NRXN1: variants seen among roughly 807,000 people sequenced by gnomAD.
The protein encoded by NRXN1 is neurexin 1, also known as neurexin-1.
A neutral mutation model predicts 150.9 loss-of-function variants in NRXN1; 39 were observed. The observed-to-expected ratio is 0.26, with a 90% CI of 0.20 to 0.34. NRXN1 has a LOEUF of 0.34. Ranked by LOEUF, NRXN1 falls within the 10% of genes least tolerant of loss-of-function variation. NRXN1 has a pLI of 1.00. For synonymous variants in NRXN1, 924 were observed against 757.0 expected (o/e 1.22, Z -3.62); for missense variants, 1,815 against 1,949.9 (o/e 0.93, Z 1.30).
intron 5 of NRXN1, among the ~76,000 whole-genome samples, chr2:50,865,741 G>GT (rs200962829): frequency 6.0e-4 from 68 of 113,590 alleles, no homozygotes; most frequent in African/African-American, 1.7e-3. Flanking sequence ...ACATTTGATA[G>GT]TTTTTTTTTG....
At chr2:50,108,621 T>A (rs758478390) in intron 18 of NRXN1, among the ~76,000 whole-genome samples, 3 of 152,218 alleles carry the variant, frequency 2.0e-5, no homozygotes, top group South Asian at 2.1e-4. Context: ...TCTATAAAGG[T>A]ATTTGTTAAG....
Position 51,028,406 on chromosome 2 carries a change from C to T in NRXN1, c.-133G>A, listed in dbSNP as rs1670968947. 1.9e-6 allele frequency: 1 copy of T among 533,006 alleles called. No homozygotes were observed. The allele number at this position is 533,006 out of a possible 1,614,324, so 33.0% of individuals were successfully genotyped here. A position where few individuals can be genotyped will look rare whatever the true frequency, so the allele number is the denominator to read the frequency against. ...AAAGGCGGGAGTGAGAGGGATGTGC[C>T]CTCCTTTATCTAGTTCTTTTTTTCT... is the stretch of plus-strand genomic sequence containing the variant. On this transcript the variant is annotated 5_prime_UTR_variant, in exon 2 of 23. Transcript: ENST00000401669.
rs561473210 is a variant in NRXN1 at position 50,015,617 on chromosome 2, A to G, written c.4128+37654T>C. Among the ~76,000 whole-genome samples the G allele has an allele frequency of 3.2e-3, 483 of 151,538 alleles. 1 individual carries two copies. Among genetic ancestry groups the G allele is most frequent in the Non-Finnish European group, 5.1e-3 (347 of 67,902 alleles). On this transcript the variant is annotated intron_variant, in intron 21 of 22. Coordinates refer to ENST00000401669, the MANE Select transcript of NRXN1 (RefSeq NM_001330078.2). ...GTTTACCCTTCTGTATAATATTATG[A>G]CAGGTCCTTTTCAATGATAATGTTC...
chr2:50,218,487 CT>C (rs2063554759), intron 18 of NRXN1, among the ~76,000 whole-genome samples: 1 of 128,530 alleles, frequency 7.8e-6, no homozygotes, highest in Non-Finnish European at 1.7e-5. Context: ...AAGTTAGCAC[CT>C]TCTTTTTTTT....
chr2:50,141,425 G>T (rs1362816467), intron 18 of NRXN1, among the ~76,000 whole-genome samples: 1 of 151,896 alleles, frequency 6.6e-6, no homozygotes, highest in Non-Finnish European at 1.5e-5. Flanking sequence ...TAAGTCCTCA[G>T]AAACACAGGG....
intron 2 of NRXN1, among the ~76,000 whole-genome samples, chr2:50,958,005 G>C (rs1692541827): frequency 6.6e-6 from 1 of 152,080 alleles, no homozygotes; most frequent in African/African-American, 2.4e-5. Context: ...GTCTAAGGAA[G>C]TAAGTTGCAG....
At chr2:49,954,006 C>G (rs1573024339) in intron 21 of NRXN1, among the ~76,000 whole-genome samples, 1 of 151,906 alleles carries the variant, frequency 6.6e-6, no homozygotes. Context: ...ATATGTATCC[C>G]AGAACTTAAG....
chr2:50,240,397 T>C (rs1250156631), intron 17 of NRXN1, among the ~76,000 whole-genome samples: 1 of 151,786 alleles, frequency 6.6e-6, no homozygotes, highest in Non-Finnish European at 1.5e-5. Flanking sequence ...CTCAGCTCTC[T>C]TCTACATACT....
At chr2:50,705,315 G>A (rs1317847581) in intron 5 of NRXN1, among the ~76,000 whole-genome samples, 1 of 151,860 alleles carries the variant, frequency 6.6e-6, no homozygotes, top group African/African-American at 2.4e-5. Context: ...CAAATAAATG[G>A]GTACGATTCT....
intron 8 of NRXN1, among the ~76,000 whole-genome samples, chr2:50,614,333 T>C (rs1678683659): frequency 6.6e-6 from 1 of 152,112 alleles, no homozygotes; most frequent in Non-Finnish European, 1.5e-5. Context: ...CTCTTTTTCC[T>C]CCAAGTTCCT....
intron 17 of NRXN1, among the ~76,000 whole-genome samples, chr2:50,329,617 G>GTA (rs1172739306): frequency 7.2e-4 from 10 of 13,980 alleles, no homozygotes; most frequent in Non-Finnish European, 1.4e-3. Flanking sequence ...GTGTGTGTGT[G>GTA]TATATATATA....
intron 18 of NRXN1, among the ~76,000 whole-genome samples, chr2:50,103,041 A>C (rs978109986): frequency 1.3e-5 from 2 of 152,116 alleles, no homozygotes; most frequent in African/African-American, 4.8e-5. Flanking sequence ...TGTTGAATAT[A>C]TGTAGAACCT....
At chr2:50,145,042 ATT>A (rs1187243102) in intron 18 of NRXN1, among the ~76,000 whole-genome samples, 1 of 151,788 alleles carries the variant, frequency 6.6e-6, no homozygotes, top group African/African-American at 2.4e-5. Context: ...GATGCTGGCT[ATT>A]TCTGTGATGA....
At chr2:50,169,653 A>G (rs2059904898) in intron 18 of NRXN1, among the ~76,000 whole-genome samples, 2 of 149,060 alleles carry the variant, frequency 1.3e-5, no homozygotes. Flanking sequence ...CGGAGGTTGC[A>G]GTGAGCGGAG....
intron 2 of NRXN1, among the ~76,000 whole-genome samples, chr2:50,943,396 A>G (rs1247270363): frequency 2.0e-5 from 3 of 152,224 alleles, no homozygotes; most frequent in Non-Finnish European, 4.4e-5. Flanking sequence ...TTCATTTTAT[A>G]GATTAGAAAG....
At chr2:50,207,438 C>G (rs1320387487) in intron 18 of NRXN1, 1 of 151,776 alleles carries the variant, frequency 6.6e-6, no homozygotes, top group Non-Finnish European at 1.5e-5. Context: ...CATGTTATGC[C>G]TTATTATAGT....
chr2:50,274,029 T>C (rs1406431301), intron 17 of NRXN1, among the ~76,000 whole-genome samples: 1 of 152,164 alleles, frequency 6.6e-6, no homozygotes, highest in African/African-American at 2.4e-5. Context: ...TTACTGGGTA[T>C]ATACCCAAAG....
chr2:50,612,185 C>CCTAT (rs774935169), intron 8 of NRXN1, among the ~76,000 whole-genome samples: 1 of 152,068 alleles, frequency 6.6e-6, no homozygotes, highest in Non-Finnish European at 1.5e-5. Context: ...CTTCACTTTT[C>CCTAT]CTATCTCCAT....
intron 2 of NRXN1, among the ~76,000 whole-genome samples, chr2:50,957,260 T>C (rs910689116): frequency 6.6e-6 from 1 of 152,162 alleles, no homozygotes; most frequent in Non-Finnish European, 1.5e-5. Flanking sequence ...TGACACTTAT[T>C]AGCTATGTGT....
Sources: allele counts gnomAD v4.1 joint callset (sites outside exome capture counted in the v4.1 genomes callset), GRCh38; gene constraint gnomAD v4.1.1; transcripts MANE v1.5; gene names NCBI Gene and HGNC (gene_info 2026-07-23, HGNC 2026-07-21).